Variants in BRCA2 observed in about 807,000 individuals in gnomAD.
BRCA2 encodes breast cancer type 2 susceptibility protein.
A neutral mutation model predicts 276.7 loss-of-function variants in BRCA2; 203 were observed. The observed-to-expected ratio is 0.73, with a 90% CI of 0.65 to 0.82. The LOEUF (loss-of-function observed/expected upper bound fraction) is 0.82. Ranked by LOEUF, BRCA2 falls within the 40% of genes least tolerant of loss-of-function variation. The pLI is 0.00. For missense variants in BRCA2, 3,920 were observed against 3,915.0 expected, an observed-to-expected ratio of 1.00 and a Z score of -0.03; for synonymous variants, 1,289 against 1,338.4, an observed-to-expected ratio of 0.96 and a Z score of 0.81.
In BRCA2 at chr13:32,366,868, C is replaced by CA. The variant is rs35628833; in HGVS notation, c.8331+3351dup. Among the ~76,000 whole-genome samples, 533 of 116,052 alleles carry CA rather than the reference C, an allele frequency of 4.6e-3. 9 individuals are homozygous for CA. In the East Asian group the frequency reaches 0.062, roughly 13 times the overall value. The allele number at this position is 116,052 out of a possible 152,430, so 76.1% of individuals were successfully genotyped here. A position where few individuals can be genotyped will look rare whatever the true frequency, so the allele number is the denominator to read the frequency against. ...TATTGGTTTCATCTATCAAAAAGAACAAAAAAAAAAAAAAAAGGAATAATC... is the reference window on the plus strand; with the variant it reads ...TATTGGTTTCATCTATCAAAAAGAACAAAAAAAAAAAAAAAAAGGAATAATC... On this transcript the variant is annotated intron_variant, in intron 18 of 26. Coordinates refer to ENST00000380152, the MANE Select transcript of BRCA2 (RefSeq NM_000059.4).
At chr13:32,354,307 A>G (rs557823881) in intron 13 of BRCA2, among the ~76,000 whole-genome samples, 251 of 152,300 alleles carry the variant, frequency 1.6e-3, no homozygotes, top group Non-Finnish European at 2.7e-3. Context: ...TACCTATTGA[A>G]GAAGGTTGAC....
intron 7 of BRCA2, 84 bp downstream of exon 7, chr13:32,326,697 A>T: frequency 9.7e-7 from 1 of 1,029,796 alleles, no homozygotes; most frequent in Non-Finnish European, 1.5e-6. Context: ...AAAAGGAAAT[A>T]TGAAAAGAAA....
At chr13:32,366,131 A>G (rs2072780366) in intron 18 of BRCA2, among the ~76,000 whole-genome samples, 1 of 152,232 alleles carries the variant, frequency 6.6e-6, no homozygotes, top group South Asian at 2.1e-4. Context: ...ATGAAAGCAA[A>G]GAACTTAAGT....
In BRCA2 at chr13:32,380,010, T is replaced by A. The variant is rs2137624494; in HGVS notation, c.9121T>A (p.Ser3041Thr). 1 of 1,614,074 alleles carries A rather than the reference T, an allele frequency of 6.2e-7. No homozygotes were observed. Among genetic ancestry groups the A allele is most frequent in the African/African-American group, 1.3e-5 (1 of 75,052 alleles). ...KKTQYQQLPV[S>T]DEILFQIYQP... ...ATTTTTGTTTTGTTTTCTGTAGGTT[T>A]CAGATGAAATTTTATTTCAGATTTA... is the stretch of plus-strand genomic sequence containing the variant. The change falls in exon 24 of 27, where the codon TCA (serine) becomes ACA (threonine). Residue 3041 changes from serine (S) to threonine (T), a missense_variant. Ser to Thr is a moderately conservative substitution (Grantham distance 58). This residue lies in a region of BRCA2 where 657 missense variants were observed against 758.2 expected (regional missense o/e 0.87). Coordinates refer to ENST00000380152, the MANE Select transcript of BRCA2 (RefSeq NM_000059.4).
chr13:32,330,461 C>G (rs867688318), intron 8 of BRCA2, among the ~76,000 whole-genome samples: 13 of 152,154 alleles, frequency 8.5e-5, no homozygotes, highest in African/African-American at 3.1e-4. Context: ...TTGCCAGCAT[C>G]ATTATACTTG....
intron 14 of BRCA2, 110 bp downstream of exon 14, chr13:32,355,398 C>T (rs2072686398): frequency 8.2e-7 from 1 of 1,217,660 alleles, no homozygotes; most frequent in South Asian, 1.4e-5. Flanking sequence ...TTTTAAAGCC[C>T]TTTTTAATGT....
At chr13:32,342,144 G>T (rs1176197123) in intron 11 of BRCA2, among the ~76,000 whole-genome samples, 1 of 151,666 alleles carries the variant, frequency 6.6e-6, no homozygotes, top group African/African-American at 2.4e-5. Flanking sequence ...GTGGTGGCGC[G>T]CACCTATAAT....
chr13:32,353,269 C>A (rs1271901242), intron 13 of BRCA2, among the ~76,000 whole-genome samples: 4 of 152,186 alleles, frequency 2.6e-5, no homozygotes, highest in Non-Finnish European at 5.9e-5. Context: ...CTCCTCTTTT[C>A]ACTTATCTCT....
At position 32,336,473 on chromosome 13, in the gene BRCA2, T is replaced by C. The variant is rs2137483452; in HGVS notation, c.2118T>C (p.Ala706=). 6.2e-7 allele frequency: 1 copy of C among 1,614,062 alleles called. No homozygotes were observed. The highest frequency in any genetic ancestry group is 8.5e-7 in the Non-Finnish European group (1 of 1,179,996). Residue 706 remains alanine, a synonymous_variant, in exon 11 of 27, where the codon GCT becomes GCC. Coordinates refer to ENST00000380152, the MANE Select transcript of BRCA2 (RefSeq NM_000059.4). ...TACAGTTATTTATTACCCCAGAAGC[T>C]GATTCTCTGTCATGCCTGCAGGAAG... is the stretch of plus-strand genomic sequence containing the variant. ...EKLQLFITPE[A]DSLSCLQEGQ...
intron 3 of BRCA2, among the ~76,000 whole-genome samples, chr13:32,323,246 AGGTTCACGCCAT>A (rs1269270417): frequency 6.8e-6 from 1 of 146,264 alleles, no homozygotes; most frequent in Non-Finnish European, 1.5e-5. Context: ...TCCGCCTCCC[AGGTTCACGCCAT>A]TCTCCTGCCT....
chr13:32,323,747 C>T (rs1269292083), intron 3 of BRCA2, among the ~76,000 whole-genome samples: 1 of 152,072 alleles, frequency 6.6e-6, no homozygotes, highest in Non-Finnish European at 1.5e-5. Flanking sequence ...ATTATAGGAC[C>T]AACCGAAGCA....
chr13:32,337,474 C>A lies in BRCA2; in HGVS notation c.3119C>A (p.Thr1040Asn), dbSNP rs587781475. The A allele has an allele frequency of 1.2e-6, 2 of 1,610,466 alleles. No individual in the cohort carries two copies. The highest frequency in any genetic ancestry group is 1.7e-6 in the Non-Finnish European group (2 of 1,178,118). Residue 1040 changes from threonine (T) to asparagine (N), a missense_variant, in exon 11 of 27, where the codon ACT becomes AAT. Transcript: ENST00000380152. ...AAAGATATTGAAGAACAATATCCTA[C>A]TAGTTTAGCTTGTGTTGAAATTGTA... ...FFKDIEEQYP[T>N]SLACVEIVNT...
rs143696527 is a variant in BRCA2 at position 32,344,974 on chromosome 13, T to C, written c.6937+321T>C. On this transcript the variant is annotated intron_variant, in intron 12 of 26. Transcript: ENST00000380152. Reference sequence around the variant, plus strand: ...ATCTTCCGAAAGTTGACAGTTTTATTATGCAGTATTAAACAATCACTTTCA... The same window carrying C: ...ATCTTCCGAAAGTTGACAGTTTTATCATGCAGTATTAAACAATCACTTTCA... 3.6e-3 allele frequency among the ~76,000 whole-genome samples: 550 copies of C among 152,248 alleles called. 1 individual carries two copies. The highest frequency in any genetic ancestry group is 0.013 in the African/African-American group (527 of 41,568).
intron 13 of BRCA2, among the ~76,000 whole-genome samples, chr13:32,353,138 A>G (rs184408767): frequency 1.1e-3 from 166 of 152,316 alleles, no homozygotes; most frequent in African/African-American, 3.8e-3. Context: ...TTTTCCTAAT[A>G]GATTGTTCTC....
In BRCA2 at chr13:32,347,695, G is replaced by A. The variant is rs560222957; in HGVS notation, c.7007+799G>A. 2.0e-5 allele frequency among the ~76,000 whole-genome samples: 3 copies of A among 152,276 alleles called. No homozygotes were observed. The South Asian group carries it at 6.2e-4, about 32-fold the overall frequency. On this transcript the variant is annotated intron_variant, in intron 13 of 26. Coordinates refer to ENST00000380152, the MANE Select transcript of BRCA2 (RefSeq NM_000059.4). Reference sequence around the variant, plus strand: ...TGAGACCTAGCTCCTTCCCACACTTGGTTCCCAAATGCAGGCCCTCTAGGC... The same window carrying A: ...TGAGACCTAGCTCCTTCCCACACTTAGTTCCCAAATGCAGGCCCTCTAGGC...
At chr13:32,319,769 ATATT>A (rs1282393210) in intron 3 of BRCA2, among the ~76,000 whole-genome samples, 3 of 152,230 alleles carry the variant, frequency 2.0e-5, no homozygotes, top group Non-Finnish European at 4.4e-5. Flanking sequence ...ATAAGATTAT[ATATT>A]CAGTCATTCA....
Position 32,339,158 on chromosome 13 carries a change from T to TA in BRCA2, c.4808dup (p.Asn1603LysfsTer6), listed in dbSNP as rs80359466. The TA allele has an allele frequency of 6.2e-7, 1 of 1,613,988 alleles. No homozygotes were observed. The highest frequency in any genetic ancestry group is 8.5e-7 in the Non-Finnish European group (1 of 1,179,922). On this transcript the variant is annotated frameshift_variant, in exon 11 of 27. Coordinates refer to ENST00000380152, the MANE Select transcript of BRCA2 (RefSeq NM_000059.4). LOFTEE classifies it high-confidence loss of function. ...AAATGCAGAATTCTCTCAATAATGA[T>TA]AAAAACCTTGTTTCTATTGAGACTG...
chr13:32,398,910 T>C lies in BRCA2; in HGVS notation c.*140T>C, dbSNP rs1314381731. On this transcript the variant is annotated 3_prime_UTR_variant, in exon 27 of 27. Coordinates refer to ENST00000380152, the MANE Select transcript of BRCA2 (RefSeq NM_000059.4). ...AGTTTCAAATTTACCTCAGCGTTTG[T>C]GTATCGGGCAAAAATCGTTTTGCCC... 8.7e-6 allele frequency: 10 copies of C among 1,153,622 alleles called. No individual in the cohort carries two copies. In the East Asian group the frequency reaches 2.3e-4, roughly 27 times the overall value. The allele number at this position is 1,153,622 out of a possible 1,614,324, so 71.5% of individuals were successfully genotyped here. A position where few individuals can be genotyped will look rare whatever the true frequency, so the allele number is the denominator to read the frequency against.
intron 20 of BRCA2, among the ~76,000 whole-genome samples, chr13:32,374,458 T>G (rs2072857648): frequency 6.6e-6 from 1 of 152,230 alleles, no homozygotes; most frequent in Non-Finnish European, 1.5e-5. Context: ...TGTATGACTG[T>G]GTTTCTAGAA....
Sources: allele counts gnomAD v4.1 joint callset (sites outside exome capture counted in the v4.1 genomes callset), GRCh38; gene constraint gnomAD v4.1.1; regional missense constraint gnomAD v4.1.1; transcripts MANE v1.5; gene names NCBI Gene and HGNC (gene_info 2026-07-23, HGNC 2026-07-21).